ARL10: variants seen among roughly 807,000 people sequenced by gnomAD.
The protein encoded by ARL10 is ARF like GTPase 10.
A neutral mutation model predicts 26.1 loss-of-function variants in ARL10; 23 were observed. The ratio of observed to expected loss-of-function variants is 0.88; its 90% confidence interval spans 0.63 to 1.25. The LOEUF (loss-of-function observed/expected upper bound fraction) is 1.25. Among genes scored for constraint, ARL10 ranks in the 50% most tolerant of loss-of-function variants. The pLI is 0.00. For missense variants in ARL10, 300 were observed against 323.6 expected (o/e 0.93, Z 0.56); for synonymous variants, 138 against 149.1 (o/e 0.93, Z 0.54).
the ARL10 span, among the ~76,000 whole-genome samples, chr5:176,412,193 A>G: frequency 1.3e-5 from 2 of 150,960 alleles, no homozygotes; most frequent in African/African-American, 2.4e-5. Flanking sequence ...AAAAAAAAAA[A>G]GAATGCTTTT....
At chr5:176,408,546 A>AG in the ARL10 span, among the ~76,000 whole-genome samples, 1 of 152,006 alleles carries the variant, frequency 6.6e-6, no homozygotes, top group Non-Finnish European at 1.5e-5. Flanking sequence ...CAGGAAAAAA[A>AG]AAAAAAAAAG....
At position 176,378,229 on chromosome 5, in the gene ARL10, C is replaced by T. The variant is rs1329023172; in HGVS notation, c.*6334C>T. The T allele has an allele frequency of 6.6e-6, 1 of 152,234 alleles. No individual in the cohort carries two copies. Among genetic ancestry groups the T allele is most frequent in the Non-Finnish European group, 1.5e-5 (1 of 68,042 alleles). 9.4% of individuals were successfully genotyped at this position (152,234 alleles called of 1,614,324 possible). A position where few individuals can be genotyped will look rare whatever the true frequency, so the allele number is the denominator to read the frequency against. ...CTGTTAGATGGGTCATCATAAAGGT[C>T]ATCAATCTAGTGGCATTCATTCAAT... is the stretch of plus-strand genomic sequence containing the variant. On this transcript the variant is annotated 3_prime_UTR_variant, in exon 4 of 4. Coordinates refer to ENST00000310389, the MANE Select transcript of ARL10 (RefSeq NM_173664.6).
At chr5:176,397,088 G>T (rs1411850233) in intron 1 of ARL10, among the ~76,000 whole-genome samples, 1 of 152,108 alleles carries the variant, frequency 6.6e-6, no homozygotes, top group African/African-American at 2.4e-5. Flanking sequence ...AGTTGAACAT[G>T]TGTGTTTTTC....
At position 176,374,267 on chromosome 5, in the gene ARL10, C is replaced by T. The variant is rs1373081360; in HGVS notation, c.*2372C>T. ...GCTTCACAGTGTCCCTCATTTTGCT[C>T]AGCCCCTTAATTTTGAGAGATTGAC... On this transcript the variant is annotated 3_prime_UTR_variant, in exon 4 of 4. Transcript: ENST00000310389. The T allele has an allele frequency of 6.6e-6, 1 of 152,212 alleles. No homozygotes were observed. Among genetic ancestry groups the T allele is most frequent in the Non-Finnish European group, 1.5e-5 (1 of 68,034 alleles). 9.4% of individuals were successfully genotyped at this position (152,212 alleles called of 1,614,324 possible).
intron 3 of ARL10, among the ~76,000 whole-genome samples, chr5:176,370,326 T>C (rs1191674812): frequency 1.3e-5 from 2 of 152,194 alleles, no homozygotes; most frequent in African/African-American, 2.4e-5. Flanking sequence ...GAGAGTCGCC[T>C]TGGGCCCAGG....
chr5:176,406,536 T>C, downstream of ARL10: 1 of 1,265,280 alleles, frequency 7.9e-7, no homozygotes, highest in Non-Finnish European at 1.0e-6. Flanking sequence ...ATGATGGGAG[T>C]ATTAGGGGAA....
downstream of ARL10, among the ~76,000 whole-genome samples, chr5:176,390,468 C>T (rs1218342287): frequency 1.3e-5 from 2 of 152,178 alleles, no homozygotes; most frequent in African/African-American, 4.8e-5. Context: ...CTCACTGTGT[C>T]AGCCAGGCTG....
Position 176,372,195 on chromosome 5 carries a change from C to A in ARL10, c.*300C>A. 1.3e-6 allele frequency: 1 copy of A among 756,834 alleles called. No individual in the cohort carries two copies. The highest frequency in any genetic ancestry group is 2.9e-5 in the South Asian group (1 of 34,416). 46.9% of individuals were successfully genotyped at this position (756,834 alleles called of 1,614,324 possible). On this transcript the variant is annotated 3_prime_UTR_variant, in exon 4 of 4. Coordinates refer to ENST00000310389, the MANE Select transcript of ARL10 (RefSeq NM_173664.6). Reference sequence around the variant, plus strand: ...CTTCTCTTACCTGTACAGTGAGATGCTCAGTGGGCTCAATCCTCCACTACA... The same window carrying A: ...CTTCTCTTACCTGTACAGTGAGATGATCAGTGGGCTCAATCCTCCACTACA...
intron 1 of ARL10, chr5:176,387,070 CTCTCTCTCTT>C: frequency 3.4e-6 from 2 of 591,620 alleles, no homozygotes; most frequent in East Asian, 5.6e-5. Context: ...CTTTTTCTCT[CTCTCTCTCTT>C]TTTTTTTTTC....
the ARL10 span, chr5:176,407,470 A>C: frequency 6.6e-6 from 1 of 152,034 alleles, no homozygotes; most frequent in Non-Finnish European, 1.5e-5. Flanking sequence ...TGCCTAGCCA[A>C]TTTTTGTATT....
At position 176,373,285 on chromosome 5, in the gene ARL10, A is replaced by C. The variant is rs538826484; in HGVS notation, c.*1390A>C. On this transcript the variant is annotated 3_prime_UTR_variant, in exon 4 of 4. Coordinates refer to ENST00000310389, the MANE Select transcript of ARL10 (RefSeq NM_173664.6). ...GGACTGAATTTCTGGAGTTCTCATC[A>C]GTGCACATTCCATAGTTCTCCAGTG... The C allele has an allele frequency of 5.3e-6, 2 of 377,006 alleles. No homozygotes were observed. Among genetic ancestry groups the C allele is most frequent in the African/African-American group, 2.1e-5 (1 of 48,372 alleles). 23.4% of individuals were successfully genotyped at this position (377,006 alleles called of 1,614,324 possible).
downstream of ARL10, chr5:176,392,747 C>T: frequency 6.2e-7 from 1 of 1,612,180 alleles, no homozygotes; most frequent in Non-Finnish European, 8.5e-7. This position sits in a 1 kb window ranked among gnomAD's most constrained non-coding sequence, Gnocchi z 5.2. Flanking sequence ...CCAGCCCATG[C>T]TCTGTGGCCA....
downstream of ARL10, chr5:176,385,428 C>A: frequency 4.2e-6 from 3 of 721,420 alleles, no homozygotes; most frequent in Non-Finnish European, 7.4e-6. Context: ...AGCCACAAGA[C>A]CCACCACACC....
the ARL10 span, among the ~76,000 whole-genome samples, chr5:176,411,033 CT>C: frequency 6.6e-6 from 1 of 152,232 alleles, no homozygotes; most frequent in Non-Finnish European, 1.5e-5. Context: ...CACCTTGCAC[CT>C]GCACAACTGC....
At position 176,374,463 on chromosome 5, in the gene ARL10, G is replaced by A. The variant is rs1021379021; in HGVS notation, c.*2568G>A. ...AGGATGACTGCATTGGTGTACTTAAGACTACAACACATCAGTGGGGACCTT... is the reference window on the plus strand; with the variant it reads ...AGGATGACTGCATTGGTGTACTTAAAACTACAACACATCAGTGGGGACCTT... On this transcript the variant is annotated 3_prime_UTR_variant, in exon 4 of 4. Coordinates refer to ENST00000310389, the MANE Select transcript of ARL10 (RefSeq NM_173664.6). The A allele has an allele frequency of 3.9e-5, 6 of 152,208 alleles. No homozygotes were observed. The highest frequency in any genetic ancestry group is 1.4e-4 in the African/African-American group (6 of 41,444). 9.4% of individuals were successfully genotyped at this position (152,208 alleles called of 1,614,324 possible). A position where few individuals can be genotyped will look rare whatever the true frequency, so the allele number is the denominator to read the frequency against.
chr5:176,385,390 T>A (rs1755760973), downstream of ARL10: 1 of 1,008,974 alleles, frequency 9.9e-7, no homozygotes, highest in Admixed American at 1.7e-5. Flanking sequence ...CTCTTTGAGC[T>A]GTCCAATCAC....
At chr5:176,403,747 C>T (rs1017792272), downstream of ARL10, among the ~76,000 whole-genome samples, 4 of 151,002 alleles carry the variant, frequency 2.6e-5, no homozygotes, top group African/African-American at 7.3e-5. Context: ...CCACGGTGCC[C>T]GGCCTGTTTT....
At chr5:176,371,238 G>T (rs562746682) in intron 3 of ARL10, among the ~76,000 whole-genome samples, 4 of 152,288 alleles carry the variant, frequency 2.6e-5, no homozygotes, top group South Asian at 2.1e-4. Flanking sequence ...AGCCAGGCGT[G>T]GTGGCTCACA....
At chr5:176,395,793 C>T (rs1756492219) in intron 1 of ARL10, among the ~76,000 whole-genome samples, 1 of 152,150 alleles carries the variant, frequency 6.6e-6, no homozygotes, top group Admixed American at 6.5e-5. Context: ...AGCTCTTGTC[C>T]TTTACATGCC....
Sources: allele counts gnomAD v4.1 joint callset (sites outside exome capture counted in the v4.1 genomes callset), GRCh38; gene constraint gnomAD v4.1.1; non-coding constraint Gnocchi (gnomAD v3.1); transcripts MANE v1.5; gene names NCBI Gene and HGNC (gene_info 2026-07-23, HGNC 2026-07-21).